Variants in SIL1 observed in about 807,000 individuals in gnomAD.
SIL1 encodes the protein SIL1 nucleotide exchange factor, also known as nucleotide exchange factor SIL1.
SIL1 carries 40 observed loss-of-function variants against 49.1 expected under a neutral mutation model. The observed-to-expected ratio is 0.81, with a 90% CI of 0.63 to 1.06. The LOEUF (loss-of-function observed/expected upper bound fraction) is 1.06. Ranked by LOEUF, SIL1 falls within the 50% of genes least tolerant of loss-of-function variation. The pLI, the probability that SIL1 is intolerant of heterozygous loss-of-function variation, is 0.00. For missense variants in SIL1, 500 were observed against 572.6 expected (o/e 0.87, Z 1.29); for synonymous variants, 253 against 250.8 (o/e 1.01, Z -0.08).
chr5:138,999,496 T>TA (rs533731888), intron 7 of SIL1, among the ~76,000 whole-genome samples: 10 of 151,884 alleles, frequency 6.6e-5, no homozygotes, highest in South Asian at 2.1e-4. Flanking sequence ...CCTATCTGTG[T>TA]AAAAAAAATG....
chr5:139,194,212 A>T (rs1478738125), intron 1 of SIL1, among the ~76,000 whole-genome samples: 22 of 152,198 alleles, frequency 1.4e-4, no homozygotes, highest in Admixed American at 1.4e-3. Context: ...CAAATTTGCA[A>T]AAGTAAGAAT....
At chr5:139,036,956 T>C (rs544334016) in intron 5 of SIL1, among the ~76,000 whole-genome samples, 1 of 152,276 alleles carries the variant, frequency 6.6e-6, no homozygotes, top group East Asian at 1.9e-4. Flanking sequence ...ATATTTCAAG[T>C]TTCTTTCTAT....
intron 1 of SIL1, among the ~76,000 whole-genome samples, chr5:139,153,102 G>A (rs1751340143): frequency 1.3e-5 from 2 of 152,202 alleles, no homozygotes; most frequent in Non-Finnish European, 1.5e-5. Context: ...ACAGGCGTGA[G>A]CCACCGCACC....
intron 9 of SIL1, among the ~76,000 whole-genome samples, chr5:138,949,941 A>G (rs1047862781): frequency 6.6e-6 from 1 of 152,200 alleles, no homozygotes; most frequent in Non-Finnish European, 1.5e-5. Context: ...GTCCTCCCTG[A>G]AAGAAGAGGG....
intron 7 of SIL1, among the ~76,000 whole-genome samples, chr5:138,979,960 A>G (rs1767480609): frequency 6.6e-6 from 1 of 152,188 alleles, no homozygotes; most frequent in South Asian, 2.1e-4. Flanking sequence ...GGTGAGCAAA[A>G]GACAGAACAA....
intron 1 of SIL1, among the ~76,000 whole-genome samples, chr5:139,160,228 A>T (rs994218666): frequency 1.3e-5 from 2 of 152,004 alleles, no homozygotes; most frequent in African/African-American, 4.8e-5. Context: ...GGAGCCTAAC[A>T]TATTACCTAC....
intron 3 of SIL1, among the ~76,000 whole-genome samples, chr5:139,113,962 G>A (rs766146639): frequency 6.6e-6 from 1 of 152,228 alleles, no homozygotes; most frequent in Non-Finnish European, 1.5e-5. Context: ...AAACCTCAGA[G>A]AGAACAGGTG....
At chr5:139,087,740 G>T (rs1223017024) in intron 3 of SIL1, among the ~76,000 whole-genome samples, 1 of 152,112 alleles carries the variant, frequency 6.6e-6, no homozygotes, top group Non-Finnish European at 1.5e-5. Flanking sequence ...AGTAGGGGAA[G>T]GCCACAGGAG....
chr5:139,088,958 A>G (rs1770284614), intron 3 of SIL1, among the ~76,000 whole-genome samples: 1 of 152,168 alleles, frequency 6.6e-6, no homozygotes, highest in African/African-American at 2.4e-5. Context: ...TCTAATAAAC[A>G]TACTGCATTC....
chr5:139,044,309 TAAGTATTCAGGAACCATAGCTTG>T lies in SIL1; in HGVS notation c.354-1613_354-1591del, dbSNP rs1308381293. Among the ~76,000 whole-genome samples, 7 of 152,278 alleles carry T rather than the reference TAAGTATTCAGGAACCATAGCTTG, an allele frequency of 4.6e-5. No individual in the cohort carries two copies. In the East Asian group the frequency reaches 1.4e-3, roughly 29 times the overall value. ...CCACCCCACATACCCAAGAGGGAGC[TAAGTATTCAGGAACCATAGCTTG>T]AACACATTATCTCCTCCCTCTTGTA... is the stretch of plus-strand genomic sequence containing the variant. On this transcript the variant is annotated intron_variant, in intron 4 of 9. Transcript: ENST00000394817.
chr5:139,041,812 CAAAAACAAAAAAAAAA>C (rs1163271818), intron 5 of SIL1, among the ~76,000 whole-genome samples: 6 of 73,780 alleles, frequency 8.1e-5, no homozygotes, highest in African/African-American at 1.1e-4. Flanking sequence ...GACTCCAACT[CAAAAACAAAAAAAAAA>C]AAAAACAAAA....
chr5:139,171,853 G>T (rs1345528592), intron 1 of SIL1, among the ~76,000 whole-genome samples: 1 of 151,956 alleles, frequency 6.6e-6, no homozygotes, highest in Non-Finnish European at 1.5e-5. Context: ...GGAAGGCATG[G>T]AGAAAAATCA....
intron 5 of SIL1, among the ~76,000 whole-genome samples, chr5:139,042,326 T>A (rs1769065118): frequency 6.6e-6 from 1 of 152,108 alleles, no homozygotes; most frequent in Non-Finnish European, 1.5e-5. Context: ...CCTGTGATAA[T>A]GGAGAGAATG....
intron 7 of SIL1, among the ~76,000 whole-genome samples, chr5:138,983,953 G>C (rs2150401161): frequency 6.6e-6 from 1 of 152,330 alleles, no homozygotes; most frequent in African/African-American, 2.4e-5. Flanking sequence ...GCCACAAGTA[G>C]TGTGTGTCAT....
At chr5:139,073,843 T>C (rs1769886528) in intron 3 of SIL1, among the ~76,000 whole-genome samples, 1 of 151,322 alleles carries the variant, frequency 6.6e-6, no homozygotes, top group African/African-American at 2.4e-5. Context: ...GAGGTTGCAG[T>C]GAGCCAAGAC....
intron 1 of SIL1, among the ~76,000 whole-genome samples, chr5:139,179,027 A>G (rs1378898817): frequency 6.6e-6 from 1 of 152,172 alleles, no homozygotes; most frequent in Admixed American, 6.6e-5. Context: ...TTCTTACAGA[A>G]GTTACTTTCT....
At chr5:139,039,998 G>A (rs12719519) in intron 5 of SIL1, among the ~76,000 whole-genome samples, 62,289 of 151,828 alleles carry the variant, frequency 0.41, 13,408 homozygotes, top group African/African-American at 0.55. Flanking sequence ...TGATGTTCTC[G>A]TCCCCAAAAA....
intron 3 of SIL1, among the ~76,000 whole-genome samples, chr5:139,096,216 C>T (rs1267749714): frequency 3.9e-5 from 6 of 152,150 alleles, no homozygotes; most frequent in Admixed American, 1.3e-4. Context: ...ACTCAGCTGA[C>T]GCCCACCCAT....
At chr5:139,193,198 T>C (rs1259162745) in intron 1 of SIL1, among the ~76,000 whole-genome samples, 2 of 152,016 alleles carry the variant, frequency 1.3e-5, no homozygotes, top group Non-Finnish European at 2.9e-5. Context: ...AGTTAGATAT[T>C]ACAATGGTTT....
Sources: gnomAD v4.1 joint callset for allele counts (sites outside exome capture counted in the v4.1 genomes callset) on GRCh38, gnomAD v4.1.1 for gene constraint, MANE v1.5 for transcripts, NCBI Gene and HGNC (gene_info 2026-07-23, HGNC 2026-07-21) for gene names.